Variants in GLYATL2 observed in about 807,000 individuals in gnomAD.
GLYATL2 encodes glycine N-acyltransferase-like protein 2.
A neutral mutation model predicts 21.4 loss-of-function variants in GLYATL2; 25 were observed. The observed-to-expected ratio is 1.17, with a 90% CI of 0.85 to 1.63. The LOEUF (loss-of-function observed/expected upper bound fraction) is 1.63, where lower values mean the gene tolerates loss of function less well. GLYATL2 is among the 40% of genes most tolerant of loss of function. The pLI is 0.00. For synonymous variants in GLYATL2, 114 were observed against 118.2 expected, an observed-to-expected ratio of 0.96 and a Z score of 0.23; for missense variants, 361 against 343.3, an observed-to-expected ratio of 1.05 and a Z score of -0.41.
chr11:58,890,370 GTA>G (rs980708408), intron 1 of GLYATL2, among the ~76,000 whole-genome samples: 2 of 152,176 alleles, frequency 1.3e-5, no homozygotes, highest in East Asian at 3.9e-4. Flanking sequence ...ACATCCTGTT[GTA>G]TGTTCATTGC....
intron 1 of GLYATL2, among the ~76,000 whole-genome samples, chr11:58,891,807 G>C (rs547783934): frequency 6.6e-6 from 1 of 152,302 alleles, no homozygotes; most frequent in African/African-American, 2.4e-5. Flanking sequence ...TGGCCCAAGA[G>C]GTGAGAGAAG....
intron 1 of GLYATL2, among the ~76,000 whole-genome samples, chr11:58,903,947 C>T (rs1854790679): frequency 6.6e-6 from 1 of 152,214 alleles, no homozygotes. Context: ...CTCATCACTC[C>T]TGGCACACAC....
At chr11:58,875,589 A>G (rs575187989) in intron 1 of GLYATL2, among the ~76,000 whole-genome samples, 141 of 152,166 alleles carry the variant, frequency 9.3e-4, no homozygotes, top group African/African-American at 3.3e-3. Context: ...GTTGAAAATT[A>G]TTTTCTTTAA....
chr11:58,901,213 A>T (rs549238932), intron 1 of GLYATL2, among the ~76,000 whole-genome samples: 154 of 152,238 alleles, frequency 1.0e-3, no homozygotes, highest in African/African-American at 3.6e-3. Context: ...AGCTGAACGG[A>T]CTCACTTCTA....
At chr11:58,880,677 G>GT (rs1854318176) in intron 1 of GLYATL2, among the ~76,000 whole-genome samples, 1 of 152,124 alleles carries the variant, frequency 6.6e-6, no homozygotes, top group Non-Finnish European at 1.5e-5. Context: ...TTGTTTGTTT[G>GT]TTTTACAACT....
At chr11:58,854,917 GT>G (rs1236003173) in intron 1 of GLYATL2, among the ~76,000 whole-genome samples, 1 of 152,238 alleles carries the variant, frequency 6.6e-6, no homozygotes, top group Non-Finnish European at 1.5e-5. Flanking sequence ...ATCCATTCAG[GT>G]TTTATCATGA....
chr11:58,897,981 T>A (rs1303421436), intron 1 of GLYATL2, among the ~76,000 whole-genome samples: 4 of 152,240 alleles, frequency 2.6e-5, no homozygotes, highest in African/African-American at 9.6e-5. Flanking sequence ...TACTGCTTTT[T>A]AAAAGAGGAA....
upstream of GLYATL2, chr11:58,907,514 A>G: frequency 2.6e-6 from 1 of 388,598 alleles, no homozygotes; most frequent in Non-Finnish European, 5.1e-6. Context: ...AGGCTAGGGG[A>G]AAATCCAGTC....
chr11:58,883,629 A>G (rs965034473), intron 1 of GLYATL2, among the ~76,000 whole-genome samples: 1 of 152,226 alleles, frequency 6.6e-6, no homozygotes, highest in Non-Finnish European at 1.5e-5. Flanking sequence ...GCTGAATTCT[A>G]TCAGAGGTAC....
rs193016730 is a variant in GLYATL2 at position 58,876,082 on chromosome 11, C to T, written n.60+28074G>A. Among the ~76,000 whole-genome samples, 779 of 152,294 alleles carry T rather than the reference C, an allele frequency of 5.1e-3. 5 individuals carry two copies. The highest frequency in any genetic ancestry group is 0.018 in the African/African-American group (735 of 41,554). On this transcript the variant is annotated intron_variant and non_coding_transcript_variant, in intron 1 of 4. Transcript: ENST00000533636. Reference sequence around the variant, plus strand: ...TACCCTTTCTTCCAGTTGATCGCATCGGTTACTGAGGCTTGTGCATTCATC... The same window carrying T: ...TACCCTTTCTTCCAGTTGATCGCATTGGTTACTGAGGCTTGTGCATTCATC...
chr11:58,905,717 G>C (rs903058946), upstream of GLYATL2: 20 of 414,560 alleles, frequency 4.8e-5, no homozygotes, highest in South Asian at 2.9e-4. Context: ...CGCTGGGACC[G>C]GGATGGGTCA....
At chr11:58,904,601 A>T (rs1027058005), upstream of GLYATL2, among the ~76,000 whole-genome samples, 2 of 152,236 alleles carry the variant, frequency 1.3e-5, no homozygotes, top group African/African-American at 4.8e-5. Context: ...AGTCATGTGC[A>T]CTGCTTTCAG....
At chr11:58,856,602 A>G (rs1340407271) in intron 1 of GLYATL2, among the ~76,000 whole-genome samples, 1 of 152,038 alleles carries the variant, frequency 6.6e-6, no homozygotes, top group East Asian at 1.9e-4. Flanking sequence ...TATGGTTTAT[A>G]ACTGGCGTAA....
intron 1 of GLYATL2, among the ~76,000 whole-genome samples, chr11:58,877,306 A>G (rs1247516830): frequency 2.6e-5 from 4 of 152,190 alleles, no homozygotes; most frequent in Non-Finnish European, 5.9e-5. Flanking sequence ...AGCACTCCCC[A>G]GTGAGATGAA....
chr11:58,906,967 T>G (rs544182156), upstream of GLYATL2, among the ~76,000 whole-genome samples: 1 of 152,288 alleles, frequency 6.6e-6, no homozygotes, highest in Non-Finnish European at 1.5e-5. Context: ...TGTGGAATCC[T>G]TTTTTAAAAA....
chr11:58,844,399 A>T (rs1396147096), intron 1 of GLYATL2, 35 bp downstream of exon 1: 1 of 152,238 alleles, frequency 6.6e-6, no homozygotes, highest in Non-Finnish European at 1.5e-5. Context: ...TTGAACTGCC[A>T]AGATAAAAAG....
At chr11:58,876,866 T>G (rs593537) in intron 1 of GLYATL2, among the ~76,000 whole-genome samples, 135,039 of 152,290 alleles carry the variant, frequency 0.89, 61,047 homozygotes, top group Non-Finnish European at 0.98. Flanking sequence ...TCTTTTGTTT[T>G]TCTGTGTCCT....
At position 58,834,531 on chromosome 11, in the gene GLYATL2, T is replaced by C; in HGVS notation, c.783A>G (p.Ala261=). The C allele has an allele frequency of 1.9e-6, 3 of 1,613,630 alleles. No homozygotes were observed. The highest frequency in any genetic ancestry group is 2.5e-6 in the Non-Finnish European group (3 of 1,179,558). ...CCTGTAGGCTTTTCTCATTATTATC[T>C]GCCACATGGAAATAAAATGGGATTT... ...QKEIPFYFHV[A]DNNEKSLQAL... is the part of the protein sequence containing the mutation. The change falls in exon 6 of 6, where the codon GCA becomes GCG. Residue 261 remains alanine (A), a synonymous_variant. Coordinates refer to ENST00000287275, the MANE Select transcript of GLYATL2 (RefSeq NM_145016.4).
upstream of GLYATL2, chr11:58,908,042 T>G (rs1854948243): frequency 6.5e-6 from 1 of 152,730 alleles, no homozygotes; most frequent in African/African-American, 2.4e-5. Flanking sequence ...ATTATACTCA[T>G]GCATTGACCA....
Sources: gnomAD v4.1 joint callset for allele counts (sites outside exome capture counted in the v4.1 genomes callset) on GRCh38, gnomAD v4.1.1 for gene constraint, MANE v1.5 for transcripts, NCBI Gene and HGNC (gene_info 2026-07-23, HGNC 2026-07-21) for gene names.